The following ZNF688 variants were observed in gnomAD, a reference collection of about 807,000 sequenced individuals.
The protein encoded by ZNF688 is zinc finger protein 688.
ZNF688 carries 10 observed loss-of-function variants against 13.2 expected under a neutral mutation model. That is an observed-to-expected ratio of 0.76 (90% CI 0.47 to 1.28). The LOEUF is 1.28. ZNF688 is among the 50% of genes most tolerant of loss of function. ZNF688 has a pLI of 0.00. For missense variants in ZNF688, 381 were observed against 391.4 expected (o/e 0.97, Z 0.22); for synonymous variants, 160 against 159.4 (o/e 1.00, Z -0.03).
chr16:30,571,672 C>G lies in ZNF688; in HGVS notation c.-43G>C. On this transcript the variant is annotated 5_prime_UTR_variant, in exon 1 of 3. Transcript: ENST00000223459. ...ATCGGCGGCCGCCAGGTCCCTGGAG[C>G]CGCCGCCTCCCCGCTCCCGGCCTCA... The G allele has an allele frequency of 7.3e-7, 1 of 1,361,352 alleles. No homozygotes were observed. 84.3% of individuals were successfully genotyped at this position (1,361,352 alleles called of 1,614,324 possible).
chr16:30,572,160 G>T (rs1266802456), upstream of ZNF688: 1 of 1,605,030 alleles, frequency 6.2e-7, no homozygotes. Flanking sequence ...GATGATTGGC[G>T]ACGATCCCGG....
rs2051641430 is a variant in ZNF688 at position 30,569,775 on chromosome 16, A to G, written c.*141T>C. 2.0e-6 allele frequency: 2 copies of G among 980,194 alleles called. No homozygotes were observed. The highest frequency in any genetic ancestry group is 3.9e-5 in the African/African-American group (2 of 51,604). The allele number at this position is 980,194 out of a possible 1,614,324, so 60.7% of individuals were successfully genotyped here. A position where few individuals can be genotyped will look rare whatever the true frequency, so the allele number is the denominator to read the frequency against. ...AATCTTTACAGGCACTTTTCTTTTT[A>G]CAAGTTGGAAACTTGAGGGATCCTT... On this transcript the variant is annotated 3_prime_UTR_variant, in exon 3 of 3. Coordinates refer to ENST00000223459, the MANE Select transcript of ZNF688 (RefSeq NM_145271.4).
Position 30,570,005 on chromosome 16 carries a change from G to A in ZNF688, c.742C>T (p.Arg248Trp). ...GGRRGRRPGIRAVPRAPVRGD... is the reference protein window; with the variant it reads ...GGRRGRRPGIWAVPRAPVRGD... ...CGGACGGGGGCCCGAGGCACAGCCC[G>A]GATCCCAGGCCTCCGGCCCCGCCGC... Residue 248 changes from arginine (R) to tryptophan (W), a missense_variant, in exon 3 of 3, where the codon CGG (arginine) becomes TGG (tryptophan). Physicochemically the swap from Arg to Trp is moderately radical, Grantham distance 101. Transcript: ENST00000223459. 1 of 1,610,784 alleles carries A rather than the reference G, an allele frequency of 6.2e-7. No individual in the cohort carries two copies. Among genetic ancestry groups the A allele is most frequent in the Admixed American group, 1.7e-5 (1 of 59,900 alleles).
At position 30,570,038 on chromosome 16, in the gene ZNF688, A is replaced by C; in HGVS notation, c.709T>G (p.Ser237Ala). Residue 237 changes from serine to alanine, a missense_variant, in exon 3 of 3, where the codon TCC (serine) becomes GCC (alanine). Transcript: ENST00000223459. Reference sequence around the variant, plus strand: ...GGCCTCCGGCCCCGCCGCCCCCCGGAGCAGGAGCGGTGGATCCACTGGTGC... The same window carrying C: ...GGCCTCCGGCCCCGCCGCCCCCCGGCGCAGGAGCGGTGGATCCACTGGTGC... ...EAHQWIHRSC[S>A]GGRRGRRPGI... 1 of 1,610,904 alleles carries C rather than the reference A, an allele frequency of 6.2e-7. No homozygotes were observed. The highest frequency in any genetic ancestry group is 2.2e-5 in the East Asian group (1 of 44,844).
Position 30,570,353 on chromosome 16 carries a change from G to T in ZNF688, c.394C>A (p.Pro132Thr). 1 of 1,614,058 alleles carries T rather than the reference G, an allele frequency of 6.2e-7. No homozygotes were observed. ...GGGTTGCGTTCCACCAGCACTTCAGGACTCTCCTTCACAGGAGCCTTTCTA... is the reference window on the plus strand; with the variant it reads ...GGGTTGCGTTCCACCAGCACTTCAGTACTCTCCTTCACAGGAGCCTTTCTA... ...GPRKAPVKESPEVLVERNPDP... is the reference protein window; with the variant it reads ...GPRKAPVKESTEVLVERNPDP... The change falls in exon 3 of 3, where the codon CCT becomes ACT. Residue 132 changes from proline to threonine, a missense_variant. Pro to Thr is a conservative substitution (Grantham distance 38). Coordinates refer to ENST00000223459, the MANE Select transcript of ZNF688 (RefSeq NM_145271.4).
At chr16:30,570,827 A>C in intron 2 of ZNF688, 183 bp downstream of exon 2, 1 of 672,738 alleles carries the variant, frequency 1.5e-6, no homozygotes, top group South Asian at 1.7e-5. Flanking sequence ...CTGGGCTCCC[A>C]GTCCTCACAG....
upstream of ZNF688, among the ~76,000 whole-genome samples, chr16:30,576,331 C>T (rs1466606148): frequency 6.6e-6 from 1 of 152,244 alleles, no homozygotes; most frequent in Non-Finnish European, 1.5e-5. Flanking sequence ...CCCGCCTCAG[C>T]CTCTGGAGTA....
Position 30,571,604 on chromosome 16 carries a change from A to G in ZNF688, c.26T>C (p.Leu9Pro). The G allele has an allele frequency of 6.6e-7, 1 of 1,521,866 alleles. No homozygotes were observed. The highest frequency in any genetic ancestry group is 8.8e-7 in the Non-Finnish European group (1 of 1,135,566). The allele number at this position is 1,521,866 out of a possible 1,614,324, so 94.3% of individuals were successfully genotyped here. A position where few individuals can be genotyped will look rare whatever the true frequency, so the allele number is the denominator to read the frequency against. ...CCGGGTCTCCCCGGGCCTCGGCGCC[A>G]GGAGCGGGGCTGGGGGCGGCGCCAT... MAPPPAPL[L>P]APRPGETRPG... The change falls in exon 1 of 3, where the codon CTG becomes CCG. Residue 9 changes from leucine to proline, a missense_variant. By Grantham distance (98) the Leu-to-Pro change is moderately conservative. Transcript: ENST00000223459.
chr16:30,576,876 C>T (rs2051752476), upstream of ZNF688, among the ~76,000 whole-genome samples: 1 of 150,654 alleles, frequency 6.6e-6, no homozygotes, highest in Non-Finnish European at 1.5e-5. Context: ...TTCAGGTGAT[C>T]CTCCCACCTC....
upstream of ZNF688, among the ~76,000 whole-genome samples, chr16:30,576,348 A>G (rs764711924): frequency 6.6e-6 from 1 of 152,246 alleles, no homozygotes; most frequent in Non-Finnish European, 1.5e-5. Flanking sequence ...AGTAGCTGGC[A>G]CTACAGGTGC....
In ZNF688 at chr16:30,571,397, G is replaced by A. The variant is rs966460399; in HGVS notation, c.196+37C>T. On this transcript the variant is annotated intron_variant, in intron 1 of 2. Transcript: ENST00000223459. ...TCTACATCATCTCCCCTGTGAACCC[G>A]GTGAAGGAGGAGGGGGCTCGGACCC... 5 of 1,545,524 alleles carry A rather than the reference G, an allele frequency of 3.2e-6. No homozygotes were observed. In the East Asian group the frequency reaches 9.8e-5, roughly 30 times the overall value.
At chr16:30,577,048 G>A (rs1425739846), upstream of ZNF688, among the ~76,000 whole-genome samples, 1 of 151,900 alleles carries the variant, frequency 6.6e-6, no homozygotes, top group African/African-American at 2.4e-5. Flanking sequence ...TTACAGGTGT[G>A]GACCACCATG....
chr16:30,570,027 C>T lies in ZNF688; in HGVS notation c.720G>A (p.Arg240=). 1 of 1,610,878 alleles carries T rather than the reference C, an allele frequency of 6.2e-7. No homozygotes were observed. Among genetic ancestry groups the T allele is most frequent in the Non-Finnish European group, 8.5e-7 (1 of 1,179,276 alleles). The stretch of plus-strand genomic sequence containing the variant: ...CCCGGATCCCAGGCCTCCGGCCCCG[C>T]CGCCCCCCGGAGCAGGAGCGGTGGA... ...QWIHRSCSGG[R]RGRRPGIRAV... Residue 240 remains arginine, a synonymous_variant, in exon 3 of 3, where the codon CGG becomes CGA. Transcript: ENST00000223459.
upstream of ZNF688, among the ~76,000 whole-genome samples, chr16:30,576,304 C>T (rs1156638078): frequency 2.6e-5 from 4 of 152,188 alleles, no homozygotes; most frequent in South Asian, 4.1e-4. Flanking sequence ...CTCCGCTTCC[C>T]GGGCTAACGC....
intron 2 of ZNF688, chr16:30,570,737 A>ATTTATTTATTTG (rs2051662495): frequency 3.3e-6 from 1 of 306,854 alleles, no homozygotes; most frequent in African/African-American, 2.2e-5. Context: ...TTATTTATTT[A>ATTTATTTATTTG]TTTATTTATT....
chr16:30,573,790 T>A (rs1415271514), upstream of ZNF688: 5 of 277,760 alleles, frequency 1.8e-5, no homozygotes, highest in Non-Finnish European at 3.5e-5. Flanking sequence ...CATATGTTAT[T>A]AATTGATTAA....
upstream of ZNF688, chr16:30,572,283 G>T: frequency 6.6e-7 from 1 of 1,507,798 alleles, no homozygotes; most frequent in Non-Finnish European, 8.9e-7. Context: ...CATCTGCGGT[G>T]CTCGGGATTG....
At chr16:30,574,052 G>A (rs2051723528), upstream of ZNF688, among the ~76,000 whole-genome samples, 1 of 152,106 alleles carries the variant, frequency 6.6e-6, no homozygotes, top group Non-Finnish European at 1.5e-5. Flanking sequence ...TTAGAAACCA[G>A]CATGGGCAAC....
intron 1 of ZNF688, 81 bp downstream of exon 1, chr16:30,571,353 T>G: frequency 6.5e-7 from 1 of 1,534,398 alleles, no homozygotes; most frequent in Non-Finnish European, 8.8e-7. Context: ...GGATTAGGGC[T>G]CACAGTCCTC....
Sources: allele counts gnomAD v4.1 joint callset (sites outside exome capture counted in the v4.1 genomes callset), GRCh38; gene constraint gnomAD v4.1.1; transcripts MANE v1.5; gene names NCBI Gene and HGNC (gene_info 2026-07-23, HGNC 2026-07-21).